Variants in HSPA14 observed in about 807,000 individuals in gnomAD.
The protein encoded by HSPA14 is heat shock 70 kDa protein 14.
A neutral mutation model predicts 65.5 loss-of-function variants in HSPA14; 37 were observed. That is an observed-to-expected ratio of 0.56 (90% CI 0.43 to 0.74). HSPA14 has a LOEUF of 0.74. HSPA14 is among the 30% of genes least tolerant of loss of function. The probability of loss-of-function intolerance (pLI) is 0.00; values close to 1 mark genes in which losing one functional copy is unlikely to be tolerated. For synonymous variants in HSPA14, 203 were observed against 214.2 expected, an observed-to-expected ratio of 0.95 and a Z score of 0.46; for missense variants, 564 against 607.6, an observed-to-expected ratio of 0.93 and a Z score of 0.75.
At chr10:14,848,121 C>T (rs891288921) in intron 3 of HSPA14, among the ~76,000 whole-genome samples, 2 of 152,244 alleles carry the variant, frequency 1.3e-5, no homozygotes, top group Non-Finnish European at 2.9e-5. Context: ...ATGCATAGTA[C>T]TCTGCACCTT....
Position 14,842,731 on chromosome 10 carries a change from T to G in HSPA14, c.221+2574T>G. ...CAAAAAGGACTCAGGCAGCTGATCA[T>G]CAGCCTATCTTGAAAACAGTTAAGG... On this transcript the variant is annotated intron_variant, in intron 3 of 13. Coordinates refer to ENST00000378372, the MANE Select transcript of HSPA14 (RefSeq NM_016299.4). This position sits in a 1 kb window ranked among gnomAD's most constrained non-coding sequence, Gnocchi z 5.2. The G allele has an allele frequency of 6.5e-7, 1 of 1,536,514 alleles. No individual in the cohort carries two copies. Among genetic ancestry groups the G allele is most frequent in the Non-Finnish European group, 8.7e-7 (1 of 1,146,980 alleles).
At chr10:14,845,967 G>C in intron 3 of HSPA14, 1 of 911,188 alleles carries the variant, frequency 1.1e-6, no homozygotes, top group Non-Finnish European at 1.3e-6. Context: ...CATAATAAAA[G>C]ACAAAATGAA....
rs1382851495 is a variant in HSPA14 at position 14,855,933 on chromosome 10, A to C, written c.983A>C (p.Asp328Ala). 6.4e-7 allele frequency: 1 copy of C among 1,557,326 alleles called. No homozygotes were observed. Among genetic ancestry groups the C allele is most frequent in the African/African-American group, 1.4e-5 (1 of 73,698 alleles). ...LLDQNGFTAD[D>A]INKVVLCGGS... ...GATCAAAATGGATTTACAGCAGATG[A>C]TATCAACAAGGTAATGCTTTTACAT... Residue 328 changes from aspartate to alanine, a missense_variant, in exon 10 of 14, where the codon GAT becomes GCT. Asp to Ala is a moderately radical substitution (Grantham distance 126). Transcript: ENST00000378372.
At chr10:14,844,871 T>A (rs1834029014) in intron 3 of HSPA14, 1 of 985,320 alleles carries the variant, frequency 1.0e-6, no homozygotes. Context: ...TTTCATTCTT[T>A]TCTGTTATTT....
intron 3 of HSPA14, chr10:14,846,596 C>T (rs959861452): frequency 1.0e-6 from 1 of 974,008 alleles, no homozygotes; most frequent in African/African-American, 1.8e-5. Context: ...CTTAGAAAAG[C>T]TTTTCCAGCA....
Position 14,870,683 on chromosome 10 carries a change from T to C in HSPA14, c.1451+16T>C. The C allele has an allele frequency of 6.5e-7, 1 of 1,537,482 alleles. No homozygotes were observed. Reference sequence around the variant, plus strand: ...CTATGAAAAGGTAAAAAATTAAACTTCTGTTGTTAAGAAAATTCAATTTGA... The same window carrying C: ...CTATGAAAAGGTAAAAAATTAAACTCCTGTTGTTAAGAAAATTCAATTTGA... On this transcript the variant is annotated intron_variant, in intron 13 of 13. Coordinates refer to ENST00000378372, the MANE Select transcript of HSPA14 (RefSeq NM_016299.4).
At chr10:14,869,807 T>C (rs1465212325) in intron 12 of HSPA14, among the ~76,000 whole-genome samples, 3 of 152,206 alleles carry the variant, frequency 2.0e-5, no homozygotes, top group Non-Finnish European at 4.4e-5. Flanking sequence ...AGCTCTTCTC[T>C]CACAGTTCTG....
chr10:14,856,067 G>T, intron 10 of HSPA14, 124 bp downstream of exon 10: 1 of 638,912 alleles, frequency 1.6e-6, no homozygotes, highest in Non-Finnish European at 2.7e-6. Flanking sequence ...TTGTGTTAAT[G>T]AATAAGGAAA....
chr10:14,846,234 G>A (rs1021053907), intron 3 of HSPA14: 1 of 985,172 alleles, frequency 1.0e-6, no homozygotes, highest in African/African-American at 1.7e-5. Context: ...TAGGTAGGTA[G>A]GTAGGTAGGT....
chr10:14,859,482 C>G (rs1351008007), intron 10 of HSPA14, among the ~76,000 whole-genome samples: 2 of 152,236 alleles, frequency 1.3e-5, no homozygotes, highest in African/African-American at 2.4e-5. Context: ...GCCTTTCTAT[C>G]TTTACCTTCT....
intron 7 of HSPA14, 67 bp from the exon 8 acceptor site, chr10:14,852,303 G>T: frequency 2.4e-6 from 3 of 1,273,784 alleles, no homozygotes; most frequent in South Asian, 2.7e-5. Context: ...TAAACTAAGT[G>T]ACTTCTAATA....
intron 3 of HSPA14, among the ~76,000 whole-genome samples, chr10:14,840,851 C>A (rs946893570): frequency 3.9e-5 from 6 of 152,174 alleles, no homozygotes; most frequent in Admixed American, 3.9e-4. Flanking sequence ...ATTCTCTCAA[C>A]ATCCTTGTAA....
At chr10:14,846,062 T>C (rs1834047438) in intron 3 of HSPA14, 2 of 973,864 alleles carry the variant, frequency 2.1e-6, no homozygotes, top group African/African-American at 3.5e-5. Flanking sequence ...TAGCATTCTG[T>C]GGTATTAATA....
At chr10:14,864,473 C>T (rs1444094019) in intron 10 of HSPA14, among the ~76,000 whole-genome samples, 1 of 151,830 alleles carries the variant, frequency 6.6e-6, no homozygotes, top group Non-Finnish European at 1.5e-5. Context: ...TAATGCTATC[C>T]CTCCCCCCTA....
At chr10:14,858,121 T>C (rs1021797744) in intron 10 of HSPA14, among the ~76,000 whole-genome samples, 2 of 152,178 alleles carry the variant, frequency 1.3e-5, no homozygotes, top group Non-Finnish European at 1.5e-5. Flanking sequence ...TCTCTTGTTA[T>C]GAAAGTGATA....
At position 14,842,200 on chromosome 10, in the gene HSPA14, T is replaced by A. The variant is rs752437938; in HGVS notation, c.221+2043T>A. 5 of 1,535,218 alleles carry A rather than the reference T, an allele frequency of 3.3e-6. No individual in the cohort carries two copies. On this transcript the variant is annotated intron_variant, in intron 3 of 13. Coordinates refer to ENST00000378372, the MANE Select transcript of HSPA14 (RefSeq NM_016299.4). The surrounding 1 kb of genome is among the most constrained non-coding windows in gnomAD (Gnocchi z 5.2). Reference sequence around the variant, plus strand: ...CCTGAGAGGGAAGATCCTGGAGATATCCTGAGAGCACACAGAGCTTCCCCA... The same window carrying A: ...CCTGAGAGGGAAGATCCTGGAGATAACCTGAGAGCACACAGAGCTTCCCCA...
At chr10:14,849,377 G>C (rs980609333) in intron 5 of HSPA14, 4 of 491,100 alleles carry the variant, frequency 8.1e-6, no homozygotes, top group Admixed American at 2.3e-5. Flanking sequence ...TGGAAGGCAG[G>C]CTTTAAATGT....
In HSPA14 at chr10:14,855,807, CTGTGTGTTTCTGTGTGTGTGTA is replaced by C. The variant is rs750366900; in HGVS notation, c.891-26_891-5del. On this transcript the variant is annotated splice_polypyrimidine_tract_variant and intron_variant, in intron 9 of 13. Coordinates refer to ENST00000378372, the MANE Select transcript of HSPA14 (RefSeq NM_016299.4). The stretch of plus-strand genomic sequence containing the variant: ...TTTTATCTTTCTCTTGTCCCTGTGT[CTGTGTGTTTCTGTGTGTGTGTA>C]TGTGTGTACAGAGCAAGATTTGAAC... 3.7e-3 allele frequency: 3,893 copies of C among 1,043,560 alleles called. 11 individuals are homozygous for C. The highest frequency in any genetic ancestry group is 5.0e-3 in the Non-Finnish European group (3,429 of 680,050). The allele number at this position is 1,043,560 out of a possible 1,614,324, so 64.6% of individuals were successfully genotyped here.
rs1047157650 is a variant in HSPA14, at chr10:14,852,475, C to T, written c.678C>T (p.Ile226=). 1.6e-5 allele frequency: 26 copies of T among 1,613,922 alleles called. No individual in the cohort carries two copies. The highest frequency in any genetic ancestry group is 2.2e-5 in the East Asian group (1 of 44,868). ...TTTCAACAAACACTGATGATAACAT[C>T]GGTGGTGCACATTTCACAGAAACCT... is the stretch of plus-strand genomic sequence containing the variant. ...RVLSTNTDDN[I]GGAHFTETLA... is the part of the protein sequence containing the mutation. The change falls in exon 8 of 14, where the codon ATC becomes ATT. Residue 226 remains isoleucine, a synonymous_variant. Transcript: ENST00000378372.
Sources: gnomAD v4.1 joint callset for allele counts (sites outside exome capture counted in the v4.1 genomes callset) on GRCh38, gnomAD v4.1.1 for gene constraint, Gnocchi (gnomAD v3.1) non-coding constraint, MANE v1.5 for transcripts, NCBI Gene and HGNC (gene_info 2026-07-23, HGNC 2026-07-21) for gene names.